The following USH2A variants were observed in gnomAD, a reference collection of about 807,000 sequenced individuals.
USH2A encodes usherin.
Under a neutral mutation model 538.9 loss-of-function variants are expected in USH2A, and 443 were observed. The observed-to-expected ratio is 0.82, with a 90% CI of 0.76 to 0.89. The LOEUF is 0.89. Among genes scored for constraint, USH2A ranks in the 40% least tolerant of loss-of-function variants. The pLI is 0.00. For missense variants in USH2A, 6,633 were observed against 6,324.8 expected (o/e 1.05, Z -1.65); for synonymous variants, 2,413 against 2,273.5 (o/e 1.06, Z -1.75).
At chr1:215,968,328 G>C (rs1667406131) in intron 36 of USH2A, among the ~76,000 whole-genome samples, 1 of 151,554 alleles carries the variant, frequency 6.6e-6, no homozygotes, top group Admixed American at 6.6e-5. Context: ...AATCATTGTG[G>C]GTTTTTTTTG....
intron 61 of USH2A, among the ~76,000 whole-genome samples, chr1:215,706,221 C>T (rs887290508): frequency 4.6e-5 from 7 of 152,246 alleles, no homozygotes; most frequent in African/African-American, 1.4e-4. Context: ...CTCTCACTAC[C>T]TCTACTAGTA....
intron 35 of USH2A, among the ~76,000 whole-genome samples, chr1:215,983,795 C>T (rs1282705700): frequency 6.6e-6 from 1 of 152,154 alleles, no homozygotes; most frequent in Non-Finnish European, 1.5e-5. Context: ...GGGAAAGCAA[C>T]CAGTGACAAT....
At chr1:216,120,219 C>CAAAAAAAAAAAAAA (rs10525093) in intron 21 of USH2A, among the ~76,000 whole-genome samples, 42 of 100,018 alleles carry the variant, frequency 4.2e-4, no homozygotes, top group Non-Finnish European at 4.4e-4. Flanking sequence ...TACTAAATAG[C>CAAAAAAAAAAAAAA]AAAAAAAAAA....
At chr1:215,933,557 T>C (rs956341754) in intron 38 of USH2A, among the ~76,000 whole-genome samples, 25 of 152,010 alleles carry the variant, frequency 1.6e-4, no homozygotes, top group African/African-American at 6.0e-4. Context: ...TAATAGTGTG[T>C]GGTTTTATGA....
At chr1:216,322,931 G>C (rs971749391) in intron 8 of USH2A, among the ~76,000 whole-genome samples, 1 of 151,798 alleles carries the variant, frequency 6.6e-6, no homozygotes, top group Non-Finnish European at 1.5e-5. Flanking sequence ...AATATTGTGA[G>C]TCATGTTCTC....
At chr1:216,230,857 T>C (rs886931007) in intron 14 of USH2A, among the ~76,000 whole-genome samples, 1 of 148,722 alleles carries the variant, frequency 6.7e-6, no homozygotes, top group Admixed American at 6.9e-5. Flanking sequence ...GTCTGAACTT[T>C]AGACAAGCTC....
At chr1:215,684,914 T>C (rs747712204) in intron 61 of USH2A, among the ~76,000 whole-genome samples, 7 of 152,158 alleles carry the variant, frequency 4.6e-5, no homozygotes, top group African/African-American at 7.2e-5. Context: ...CAAAGAGAAC[T>C]TCAGAAGAAT....
rs76780607 is a variant in USH2A, at chr1:216,072,639, T to C, written c.5857+250A>G. ...TTACATCCTTAAGACAACCTGAACT[T>C]TCCTTACTTCTGCATCCTAAGAGGA... is the stretch of plus-strand genomic sequence containing the variant. On this transcript the variant is annotated intron_variant, in intron 29 of 71. Coordinates refer to ENST00000307340, the MANE Select transcript of USH2A (RefSeq NM_206933.4). 469 of 526,180 alleles carry C rather than the reference T, an allele frequency of 8.9e-4. 1 individual carries two copies. The highest frequency in any genetic ancestry group is 7.0e-3 in the African/African-American group (366 of 52,172). The allele number at this position is 526,180 out of a possible 1,614,324, so 32.6% of individuals were successfully genotyped here.
chr1:215,894,542 T>C (rs1406698915), intron 40 of USH2A, among the ~76,000 whole-genome samples: 1 of 152,056 alleles, frequency 6.6e-6, no homozygotes, highest in Non-Finnish European at 1.5e-5. Context: ...ACAGGAAAAA[T>C]GGTTTTGTTT....
chr1:215,870,454 C>G (rs1036512806), intron 43 of USH2A, among the ~76,000 whole-genome samples: 8 of 140,790 alleles, frequency 5.7e-5, no homozygotes, highest in African/African-American at 2.2e-4. Flanking sequence ...GCCACCACTC[C>G]TAGCTTTTTT....
chr1:215,732,328 C>T (rs1224573433), intron 60 of USH2A, among the ~76,000 whole-genome samples: 2 of 152,072 alleles, frequency 1.3e-5, no homozygotes, highest in African/African-American at 4.8e-5. Context: ...TAGAGATTTA[C>T]CATGTAAAAT....
At chr1:216,365,224 T>A in intron 3 of USH2A, 139 bp from the exon 4 acceptor site, 1 of 985,540 alleles carries the variant, frequency 1.0e-6, no homozygotes, top group Non-Finnish European at 1.5e-6. Context: ...ATTATTTTAA[T>A]AGCTCAGTGA....
In USH2A at chr1:216,199,763, G is replaced by C; in HGVS notation, c.3675C>G (p.Ser1225Arg). The C allele has an allele frequency of 6.2e-7, 1 of 1,614,082 alleles. No homozygotes were observed. Among genetic ancestry groups the C allele is most frequent in the Non-Finnish European group, 8.5e-7 (1 of 1,180,006 alleles). The change falls in exon 17 of 72, where the codon AGC becomes AGG. Residue 1225 changes from serine (S) to arginine (R), a missense_variant. Transcript: ENST00000307340. Reference sequence around the variant, plus strand: ...TGGGCAAGCTGTGTAAACAGCCCCCGCTAGTACACGCCTGTACAGAAAAAT... The same window carrying C: ...TGGGCAAGCTGTGTAAACAGCCCCCCCTAGTACACGCCTGTACAGAAAAAT... ...KYDFSVQACT[S>R]GGCLHSLPIT...
intron 15 of USH2A, among the ~76,000 whole-genome samples, chr1:216,216,637 G>A (rs1284184761): frequency 1.3e-5 from 2 of 152,034 alleles, no homozygotes; most frequent in African/African-American, 4.8e-5. Context: ...AAAGGGTAAG[G>A]ATGTATGATC....
intron 37 of USH2A, among the ~76,000 whole-genome samples, chr1:215,950,460 T>C (rs1044470299): frequency 2.0e-5 from 3 of 150,608 alleles, no homozygotes; most frequent in Admixed American, 1.3e-4. Flanking sequence ...TATATCTCCA[T>C]AGAAAAAATG....
chr1:215,641,758 T>G (rs541384337), intron 67 of USH2A, among the ~76,000 whole-genome samples: 4 of 152,330 alleles, frequency 2.6e-5, no homozygotes, highest in African/African-American at 9.6e-5. Context: ...TTTCTGATGT[T>G]AGGAAATATA....
In USH2A at chr1:215,743,416, G is replaced by A. The variant is rs377724243; in HGVS notation, c.11390-81C>T. ...TGTGTGTGTGTGTGTGTGTGTGTGT[G>A]TATATATATATAGACACACATATAT... On this transcript the variant is annotated intron_variant, in intron 58 of 71. Coordinates refer to ENST00000307340, the MANE Select transcript of USH2A (RefSeq NM_206933.4). 32,559 of 227,220 alleles carry A rather than the reference G, an allele frequency of 0.14. 5,090 individuals carry two copies. Among genetic ancestry groups the A allele is most frequent in the African/African-American group, 0.25 (7,865 of 31,066 alleles). 14.1% of individuals were successfully genotyped at this position (227,220 alleles called of 1,614,324 possible).
chr1:216,195,804 T>G (rs1387180061), intron 19 of USH2A: 4 of 167,222 alleles, frequency 2.4e-5, no homozygotes, highest in Admixed American at 2.0e-4. Flanking sequence ...ACTTGTTCGG[T>G]TGACATCCTT....
intron 4 of USH2A, among the ~76,000 whole-genome samples, chr1:216,329,254 A>T (rs2037800380): frequency 6.6e-6 from 1 of 152,224 alleles, no homozygotes; most frequent in African/African-American, 2.4e-5. Context: ...AGAAATAAGA[A>T]AACATGGTAA....
Sources: allele counts gnomAD v4.1 joint callset (sites outside exome capture counted in the v4.1 genomes callset), GRCh38; gene constraint gnomAD v4.1.1; transcripts MANE v1.5; gene names NCBI Gene and HGNC (gene_info 2026-07-23, HGNC 2026-07-21).